Variants in LINGO2 observed in about 807,000 individuals in gnomAD.
LINGO2 encodes the protein leucine rich repeat and Ig domain containing 2.
A neutral mutation model predicts 30.6 loss-of-function variants in LINGO2; 14 were observed. The ratio of observed to expected loss-of-function variants is 0.46; its 90% CI spans 0.30 to 0.72. The LOEUF is 0.72. Ranked by LOEUF, LINGO2 falls within the 30% of genes least tolerant of loss-of-function variation. LINGO2 has a pLI of 0.07. For synonymous variants in LINGO2, 317 were observed against 288.5 expected (o/e 1.10, Z -1.00); for missense variants, 729 against 751.7 (o/e 0.97, Z 0.35).
At chr9:28,565,641 T>G (rs569083091) in intron 1 of LINGO2, among the ~76,000 whole-genome samples, 1 of 150,884 alleles carries the variant, frequency 6.6e-6, no homozygotes, top group African/African-American at 2.4e-5. Flanking sequence ...AAGCTCTGCC[T>G]TCCGGGTTCA....
At chr9:28,540,387 A>G (rs1409124755) in intron 1 of LINGO2, among the ~76,000 whole-genome samples, 1 of 151,776 alleles carries the variant, frequency 6.6e-6, no homozygotes, top group African/African-American at 2.4e-5. Context: ...CAGCCTCCCA[A>G]GTAGCTGGGA....
chr9:28,641,005 G>T (rs1222151985), intron 1 of LINGO2, among the ~76,000 whole-genome samples: 1 of 151,996 alleles, frequency 6.6e-6, no homozygotes, highest in African/African-American at 2.4e-5. Context: ...TGGGGTTTTG[G>T]TGTGGATGTC....
At chr9:27,992,811 G>A (rs1304916364) in intron 5 of LINGO2, among the ~76,000 whole-genome samples, 1 of 151,954 alleles carries the variant, frequency 6.6e-6, no homozygotes, top group Non-Finnish European at 1.5e-5. Context: ...AGTAAATGGT[G>A]CCTTGTGTGA....
Position 28,444,766 on chromosome 9 carries a change from G to T in LINGO2, c.-279+31174C>A, listed in dbSNP as rs200403784. 2.6e-5 allele frequency among the ~76,000 whole-genome samples: 4 copies of T among 152,320 alleles called. No individual in the cohort carries two copies. The South Asian group carries it at 6.2e-4, about 24-fold the overall frequency. ...GGTGCCTGAAGCTGCCCACCCCACT[G>T]CAGCAGCCAGTATGCCTGGCTGTGT... On this transcript the variant is annotated intron_variant, in intron 2 of 5. Coordinates refer to ENST00000379992, the Ensembl canonical transcript of LINGO2.
the LINGO2 span, among the ~76,000 whole-genome samples, chr9:28,914,004 T>C: frequency 2.0e-5 from 3 of 152,152 alleles, no homozygotes; most frequent in African/African-American, 7.2e-5. Flanking sequence ...TTCCATGTTT[T>C]CTCATAGAAA....
chr9:28,437,629 G>A (rs1005166701), intron 2 of LINGO2, among the ~76,000 whole-genome samples: 2 of 151,144 alleles, frequency 1.3e-5, no homozygotes, highest in Non-Finnish European at 2.9e-5. Flanking sequence ...TATCTCTCTG[G>A]AAAACCCTGA....
Position 28,215,424 on chromosome 9 carries a change from C to T in LINGO2, c.-87+79784G>A, listed in dbSNP as rs140897802. On this transcript the variant is annotated intron_variant, in intron 4 of 5. Transcript: ENST00000379992. ...TAGAAGTCAAGAGGTAAAAATGTTG[C>T]GCATATAGCAGTGATAAATTGAAAT... is the stretch of plus-strand genomic sequence containing the variant. Among the ~76,000 whole-genome samples the T allele has an allele frequency of 2.9e-3, 445 of 151,704 alleles. 11 individuals are homozygous for T. In the South Asian group the frequency reaches 0.052, roughly 18 times the overall value.
At chr9:28,954,193 T>C in the LINGO2 span, among the ~76,000 whole-genome samples, 2 of 152,208 alleles carry the variant, frequency 1.3e-5, no homozygotes, top group Admixed American at 6.6e-5. Context: ...GAGAAATATA[T>C]GCCAAATACC....
the LINGO2 span, among the ~76,000 whole-genome samples, chr9:28,792,682 A>T: frequency 2.0e-5 from 3 of 152,136 alleles, no homozygotes; most frequent in African/African-American, 7.2e-5. Flanking sequence ...CCTTAATAAA[A>T]GTAACAACTC....
At chr9:27,954,326 C>A (rs1309576556) in intron 5 of LINGO2, among the ~76,000 whole-genome samples, 1 of 152,062 alleles carries the variant, frequency 6.6e-6, no homozygotes, top group Non-Finnish European at 1.5e-5. Flanking sequence ...ATTAACAAAC[C>A]TCTCTTCATC....
rs1391131617 is a variant in LINGO2 at position 28,637,077 on chromosome 9, C to G, written c.-365+33123G>C. ...TTCCCAGCACCATTTATTAAATAGGCAATCCTTTCCCCATTTCTTGTTTTT... is the reference window on the plus strand; with the variant it reads ...TTCCCAGCACCATTTATTAAATAGGGAATCCTTTCCCCATTTCTTGTTTTT... On this transcript the variant is annotated intron_variant, in intron 1 of 5. Transcript: ENST00000379992. Among the ~76,000 whole-genome samples the G allele has an allele frequency of 4.6e-5, 7 of 151,994 alleles. No individual in the cohort carries two copies. In the East Asian group the frequency reaches 1.2e-3, roughly 25 times the overall value.
the LINGO2 span, among the ~76,000 whole-genome samples, chr9:28,865,476 C>G: frequency 6.0e-3 from 917 of 152,160 alleles, 6 homozygotes; most frequent in African/African-American, 0.021. Context: ...TAGAGTTTGA[C>G]ATGGGTTTAA....
the LINGO2 span, among the ~76,000 whole-genome samples, chr9:28,997,459 A>G: frequency 3.3e-5 from 5 of 152,134 alleles, no homozygotes; most frequent in African/African-American, 1.2e-4. Flanking sequence ...GACAAATATA[A>G]CAGTTTGTTA....
At chr9:28,535,950 C>T (rs1422599525) in intron 1 of LINGO2, among the ~76,000 whole-genome samples, 1 of 152,198 alleles carries the variant, frequency 6.6e-6, no homozygotes, top group East Asian at 1.9e-4. Context: ...GACAAGAGAG[C>T]TGGACCTGAG....
At chr9:28,101,173 A>G (rs1826405393) in intron 4 of LINGO2, among the ~76,000 whole-genome samples, 1 of 152,134 alleles carries the variant, frequency 6.6e-6, no homozygotes, top group Non-Finnish European at 1.5e-5. Context: ...ATAAAATAAC[A>G]TTTGTTTTTG....
the LINGO2 span, among the ~76,000 whole-genome samples, chr9:28,748,804 A>G: frequency 1.3e-5 from 2 of 151,990 alleles, no homozygotes; most frequent in African/African-American, 4.8e-5. Context: ...AGAAGTATAG[A>G]CTAAATTGGC....
the LINGO2 span, among the ~76,000 whole-genome samples, chr9:28,976,284 A>G: frequency 2.0e-5 from 3 of 152,036 alleles, no homozygotes; most frequent in African/African-American, 7.2e-5. Flanking sequence ...ACAACATAGA[A>G]CCCTAGACAG....
At chr9:28,439,301 T>G (rs1284310079) in intron 2 of LINGO2, among the ~76,000 whole-genome samples, 1 of 151,798 alleles carries the variant, frequency 6.6e-6, no homozygotes, top group Admixed American at 6.6e-5. Flanking sequence ...TTCATATATA[T>G]ATATAATGAA....
chr9:28,595,924 G>C (rs1825152493), intron 1 of LINGO2, among the ~76,000 whole-genome samples: 1 of 152,094 alleles, frequency 6.6e-6, no homozygotes, highest in African/African-American at 2.4e-5. Flanking sequence ...GGATACTTTT[G>C]CATAAAGGTA....
Sources: allele counts gnomAD v4.1 joint callset (sites outside exome capture counted in the v4.1 genomes callset), GRCh38; gene constraint gnomAD v4.1.1; transcripts MANE v1.5; gene names NCBI Gene and HGNC (gene_info 2026-07-23, HGNC 2026-07-21).